The following WWOX variants were observed in gnomAD, a reference collection of about 807,000 sequenced individuals.
The protein encoded by WWOX is WW domain containing oxidoreductase.
A neutral mutation model predicts 46.2 loss-of-function variants in WWOX; 69 were observed. The observed-to-expected ratio is 1.49, with a 90% CI of 1.23 to 1.82. The LOEUF (loss-of-function observed/expected upper bound fraction) is 1.82. WWOX is among the 40% of genes most tolerant of loss of function. The probability of loss-of-function intolerance (pLI) is 0.00; values close to 1 mark genes in which losing one functional copy is unlikely to be tolerated. For missense variants in WWOX, 919 were observed against 542.6 expected (o/e 1.69, Z -6.89); for synonymous variants, 359 against 202.6 (o/e 1.77, Z -6.56).
intron 8 of WWOX, among the ~76,000 whole-genome samples, chr16:78,699,355 C>T (rs1424005610): frequency 6.8e-6 from 1 of 147,870 alleles, no homozygotes. Context: ...ATGGTGAAGC[C>T]GTGTTTCTAC....
At chr16:78,963,339 T>C (rs1306498556) in intron 8 of WWOX, among the ~76,000 whole-genome samples, 1 of 152,098 alleles carries the variant, frequency 6.6e-6, no homozygotes, top group East Asian at 1.9e-4. Flanking sequence ...CATGGTGGTG[T>C]ATGCCTGTGG....
rs1289880945 is a variant in WWOX, at chr16:79,104,041, G to C, written c.1057-107567G>C. Among the ~76,000 whole-genome samples, 13 of 65,504 alleles carry C rather than the reference G, an allele frequency of 2.0e-4. 1 individual carries two copies. Among genetic ancestry groups the C allele is most frequent in the African/African-American group, 7.9e-4 (9 of 11,398 alleles). 43.0% of individuals were successfully genotyped at this position (65,504 alleles called of 152,430 possible). On this transcript the variant is annotated intron_variant, in intron 8 of 8. Coordinates refer to ENST00000566780, the MANE Select transcript of WWOX (RefSeq NM_016373.4). ...CTATGTGGTGGTGCCCTTTTTTGGGGGGGGGGGGGCGGGTGGTGGGGGTAC... is the reference window on the plus strand; with the variant it reads ...CTATGTGGTGGTGCCCTTTTTTGGGCGGGGGGGGGCGGGTGGTGGGGGTAC...
intron 8 of WWOX, among the ~76,000 whole-genome samples, chr16:79,045,589 A>C (rs2048049294): frequency 6.6e-6 from 1 of 152,146 alleles, no homozygotes; most frequent in African/African-American, 2.4e-5. Flanking sequence ...CCTCAAAACA[A>C]TCTGATGCAC....
chr16:79,107,217 A>G (rs925508114), intron 8 of WWOX, among the ~76,000 whole-genome samples: 3 of 151,960 alleles, frequency 2.0e-5, no homozygotes, highest in African/African-American at 7.3e-5. Flanking sequence ...CTGGGATGAC[A>G]GGCACGAATC....
intron 8 of WWOX, among the ~76,000 whole-genome samples, chr16:78,576,040 A>G (rs2044871077): frequency 6.6e-6 from 1 of 152,096 alleles, no homozygotes; most frequent in South Asian, 2.1e-4. Flanking sequence ...TTTTTAATCT[A>G]GAATATATGG....
At chr16:78,626,938 C>G (rs1398833727) in intron 8 of WWOX, among the ~76,000 whole-genome samples, 1 of 152,034 alleles carries the variant, frequency 6.6e-6, no homozygotes, top group African/African-American at 2.4e-5. Context: ...CTGCTGTTGG[C>G]TCCTGTGTTC....
At chr16:78,143,100 A>G (rs1011407279) in intron 4 of WWOX, among the ~76,000 whole-genome samples, 6 of 152,256 alleles carry the variant, frequency 3.9e-5, no homozygotes, top group African/African-American at 1.4e-4. Flanking sequence ...ATGTAGCTAT[A>G]GCACACTGAA....
chr16:78,877,185 T>G lies in WWOX; in HGVS notation c.1057-334423T>G, dbSNP rs193116373. Among the ~76,000 whole-genome samples the G allele has an allele frequency of 4.1e-3, 629 of 152,258 alleles. 1 individual carries two copies. The highest frequency in any genetic ancestry group is 0.017 in the Middle Eastern group (5 of 294). On this transcript the variant is annotated intron_variant, in intron 8 of 8. Transcript: ENST00000566780. ...GGAAACGAGAAAAGTTATTCCTATT[T>G]CATCCATCTAAGACTTTATATCCCA...
At chr16:78,742,775 T>G (rs2049260420) in intron 8 of WWOX, among the ~76,000 whole-genome samples, 1 of 152,196 alleles carries the variant, frequency 6.6e-6, no homozygotes, top group Admixed American at 6.5e-5. Flanking sequence ...CCATCAACTC[T>G]TTTGTATCTG....
At chr16:78,969,228 A>C (rs1259196032) in intron 8 of WWOX, among the ~76,000 whole-genome samples, 4 of 151,764 alleles carry the variant, frequency 2.6e-5, no homozygotes, top group African/African-American at 9.7e-5. Flanking sequence ...AAAGTCAAGA[A>C]AATAACACTA....
intron 5 of WWOX, among the ~76,000 whole-genome samples, chr16:78,334,903 TGAG>T (rs1415754048): frequency 6.5e-5 from 9 of 137,860 alleles, no homozygotes; most frequent in Non-Finnish European, 1.4e-4. Context: ...TTAAACTCAT[TGAG>T]GAGATACCAT....
In WWOX at chr16:79,035,600, T is replaced by G. The variant is rs994271948; in HGVS notation, c.1057-176008T>G. Among the ~76,000 whole-genome samples the G allele has an allele frequency of 2.0e-5, 3 of 152,282 alleles. No individual in the cohort carries two copies. In the South Asian group the frequency reaches 6.2e-4, roughly 32 times the overall value. On this transcript the variant is annotated intron_variant, in intron 8 of 8. Coordinates refer to ENST00000566780, the MANE Select transcript of WWOX (RefSeq NM_016373.4). ...ATCATCCAGGCTGGAGTGTGGTAGG[T>G]GGGATCTTGGCTCACTGCAACCTCG...
rs1005687798 is a variant in WWOX at position 78,161,112 on chromosome 16, T to C, written c.410-3071T>C. 4.6e-5 allele frequency among the ~76,000 whole-genome samples: 7 copies of C among 152,298 alleles called. No homozygotes were observed. The East Asian group carries it at 1.4e-3, about 29-fold the overall frequency. ...GCTATATCAGATTTCTTTTGGCCCG[T>C]GTTATACAGTATACCTTTTCTATTC... On this transcript the variant is annotated intron_variant, in intron 4 of 8. Coordinates refer to ENST00000566780, the MANE Select transcript of WWOX (RefSeq NM_016373.4).
At chr16:79,002,601 G>T (rs34205151) in intron 8 of WWOX, among the ~76,000 whole-genome samples, 1 of 152,202 alleles carries the variant, frequency 6.6e-6, no homozygotes, top group Non-Finnish European at 1.5e-5. Context: ...CAGCAGATCA[G>T]TTATTTTGAG....
At chr16:78,943,833 C>G (rs894702298) in intron 8 of WWOX, among the ~76,000 whole-genome samples, 1 of 152,058 alleles carries the variant, frequency 6.6e-6, no homozygotes, top group Non-Finnish European at 1.5e-5. Context: ...TAAATGGCTC[C>G]CCGATGTCCC....
intron 8 of WWOX, among the ~76,000 whole-genome samples, chr16:79,039,810 T>C (rs2047937419): frequency 6.6e-6 from 1 of 152,196 alleles, no homozygotes; most frequent in Non-Finnish European, 1.5e-5. Flanking sequence ...TTTTGCGTGC[T>C]CTTCTGTCTG....
intron 6 of WWOX, among the ~76,000 whole-genome samples, chr16:78,393,392 T>A (rs1056605635): frequency 6.6e-6 from 1 of 152,206 alleles, no homozygotes; most frequent in African/African-American, 2.4e-5. Flanking sequence ...GCGCAATGGT[T>A]CATGCCTATA....
At chr16:78,896,735 G>A (rs1056178991) in intron 8 of WWOX, 1 of 148,906 alleles carries the variant, frequency 6.7e-6, no homozygotes, top group East Asian at 1.9e-4. Flanking sequence ...TGGGCCTGTG[G>A]AATAATTCTC....
intron 8 of WWOX, among the ~76,000 whole-genome samples, chr16:79,028,229 G>T (rs1027274291): frequency 6.6e-6 from 1 of 151,786 alleles, no homozygotes; most frequent in Non-Finnish European, 1.5e-5. Flanking sequence ...GATTACAGGC[G>T]TGAGCCACCA....
Sources: allele counts gnomAD v4.1 joint callset (sites outside exome capture counted in the v4.1 genomes callset), GRCh38; gene constraint gnomAD v4.1.1; transcripts MANE v1.5; gene names NCBI Gene and HGNC (gene_info 2026-07-23, HGNC 2026-07-21).